Variants in VDR observed in about 807,000 individuals in gnomAD.
VDR encodes vitamin D3 receptor.
A neutral mutation model predicts 39.7 loss-of-function variants in VDR; 19 were observed. That is an observed-to-expected ratio of 0.48 (90% CI 0.33 to 0.70). VDR has a LOEUF of 0.70. Among genes scored for constraint, VDR ranks in the 30% least tolerant of loss-of-function variants. The probability of loss-of-function intolerance (pLI) is 0.02; values close to 1 mark genes in which losing one functional copy is unlikely to be tolerated. For missense variants in VDR, 442 were observed against 570.5 expected, an observed-to-expected ratio of 0.77 and a Z score of 2.29; for synonymous variants, 242 against 215.8, an observed-to-expected ratio of 1.12 and a Z score of -1.07.
chr12:47,857,946 G>T (rs1945528348), intron 4 of VDR, among the ~76,000 whole-genome samples: 1 of 152,292 alleles, frequency 6.6e-6, no homozygotes, highest in Admixed American at 6.5e-5. Context: ...GGGAGTCGGG[G>T]TTCTCAAGAA....
intron 3 of VDR, among the ~76,000 whole-genome samples, chr12:47,870,795 A>T (rs1945837687): frequency 2.0e-5 from 3 of 152,234 alleles, no homozygotes; most frequent in Admixed American, 6.5e-5. Context: ...GGAACTAGCG[A>T]GAGCTCCTGA....
At chr12:47,846,300 C>T in intron 9 of VDR, 35 bp downstream of exon 9, 1 of 1,591,808 alleles carries the variant, frequency 6.3e-7, no homozygotes, top group Non-Finnish European at 8.6e-7. Flanking sequence ...CCCCGCTCCC[C>T]AGGTCCCTGA....
chr12:47,882,964 G>A (rs1946187328), intron 1 of VDR, 190 bp from the exon 2 acceptor site: 3 of 534,806 alleles, frequency 5.6e-6, no homozygotes, highest in Admixed American at 3.7e-5. Context: ...GTGGCGGCTG[G>A]GCAGCAGCCA....
intron 7 of VDR, among the ~76,000 whole-genome samples, chr12:47,855,409 A>T (rs1469068207): frequency 6.6e-6 from 1 of 152,098 alleles, no homozygotes; most frequent in African/African-American, 2.4e-5. Context: ...AATCCCAGCT[A>T]CTTGGGAGGT....
chr12:47,841,640 T>C lies in VDR; in HGVS notation c.*3106A>G, dbSNP rs1340450510. 6.6e-6 allele frequency: 1 copy of C among 152,400 alleles called. No individual in the cohort carries two copies. Among genetic ancestry groups the C allele is most frequent in the African/African-American group, 2.4e-5 (1 of 41,472 alleles). 9.4% of individuals were successfully genotyped at this position (152,400 alleles called of 1,614,324 possible). ...CCATAAGCAAAGCTTTCTACATTGG[T>C]TGACTTGACAAACTTCTGGCAAACT... On this transcript the variant is annotated 3_prime_UTR_variant, in exon 10 of 10. Coordinates refer to ENST00000549336, the MANE Select transcript of VDR (RefSeq NM_000376.3).
At chr12:47,897,482 C>T (rs2137246707) in intron 1 of VDR, among the ~76,000 whole-genome samples, 1 of 152,282 alleles carries the variant, frequency 6.6e-6, no homozygotes, top group East Asian at 1.9e-4. Flanking sequence ...CTGACAGGCA[C>T]AGACTGGATA....
intron 1 of VDR, among the ~76,000 whole-genome samples, chr12:47,895,768 G>GA (rs1480811267): frequency 1.3e-5 from 2 of 151,894 alleles, no homozygotes; most frequent in South Asian, 2.1e-4. Context: ...TTACATTTTT[G>GA]AAAAAAAATC....
chr12:47,892,787 C>T (rs1946393998), intron 1 of VDR, among the ~76,000 whole-genome samples: 1 of 152,154 alleles, frequency 6.6e-6, no homozygotes, highest in Non-Finnish European at 1.5e-5. Context: ...AGGTAAGTGC[C>T]AGGTCTAGAG....
chr12:47,894,546 G>A (rs905195926), intron 1 of VDR, among the ~76,000 whole-genome samples: 1 of 152,204 alleles, frequency 6.6e-6, no homozygotes, highest in Admixed American at 6.5e-5. Flanking sequence ...TGGGTGAGAT[G>A]CCTCCTGCTT....
intron 4 of VDR, among the ~76,000 whole-genome samples, chr12:47,863,698 C>T (rs1295777295): frequency 6.6e-6 from 1 of 152,174 alleles, no homozygotes; most frequent in South Asian, 2.1e-4. Flanking sequence ...CAGGCCTGCA[C>T]CCTGTGATGG....
chr12:47,859,505 T>G (rs919718950), intron 4 of VDR, among the ~76,000 whole-genome samples: 1 of 152,154 alleles, frequency 6.6e-6, no homozygotes, highest in Non-Finnish European at 1.5e-5. Flanking sequence ...CCAGCTGGGT[T>G]TTCTCTCCCC....
At chr12:47,869,217 G>C (rs144243637) in intron 3 of VDR, among the ~76,000 whole-genome samples, 105 of 152,300 alleles carry the variant, frequency 6.9e-4, no homozygotes, top group African/African-American at 2.3e-3. Flanking sequence ...GCCCCACTTT[G>C]CCTGACAACA....
intron 1 of VDR, among the ~76,000 whole-genome samples, chr12:47,904,005 C>T (rs1279152945): frequency 1.3e-5 from 2 of 151,960 alleles, no homozygotes; most frequent in African/African-American, 2.4e-5. Context: ...AAAATGCCTG[C>T]CCAACTGCTT....
At chr12:47,848,555 C>CTTTTTTTTTTTTTTTTTTTTT (rs1162881183) in intron 7 of VDR, among the ~76,000 whole-genome samples, 1 of 58,116 alleles carries the variant, frequency 1.7e-5, no homozygotes, top group African/African-American at 7.8e-5. Context: ...TTTTCTACTC[C>CTTTTTTTTTTTTTTTTTTTTT]TTTTTTTTTT....
intron 3 of VDR, among the ~76,000 whole-genome samples, chr12:47,878,525 C>T (rs547017469): frequency 6.6e-6 from 1 of 152,326 alleles, no homozygotes; most frequent in East Asian, 1.9e-4. Context: ...ACAAGAGGTG[C>T]CATTTCCCTT....
At chr12:47,849,526 C>T (rs1302153248) in intron 7 of VDR, among the ~76,000 whole-genome samples, 2 of 152,230 alleles carry the variant, frequency 1.3e-5, no homozygotes, top group Non-Finnish European at 1.5e-5. Flanking sequence ...CAGAACCAGA[C>T]TTCTCCACTA....
intron 3 of VDR, among the ~76,000 whole-genome samples, chr12:47,875,433 C>A (rs1945980382): frequency 6.6e-6 from 1 of 152,226 alleles, no homozygotes; most frequent in African/African-American, 2.4e-5. Context: ...TGCAAGGATG[C>A]AGTACCCACC....
chr12:47,891,890 C>A (rs1476510027), intron 1 of VDR, among the ~76,000 whole-genome samples: 3 of 151,828 alleles, frequency 2.0e-5, no homozygotes, highest in African/African-American at 7.3e-5. Flanking sequence ...GGCAGCGGCA[C>A]CACCACCACC....
rs143474680 is a variant in VDR at position 47,845,020 on chromosome 12, A to T, written c.1025-15T>A. The stretch of plus-strand genomic sequence containing the variant: ...CCCAGGACGATCTGTGGGCACGGGG[A>T]TAGAGAAGAAGGCACAGGAGCTCTC... On this transcript the variant is annotated splice_polypyrimidine_tract_variant and intron_variant, in intron 9 of 9. Coordinates refer to ENST00000549336, the MANE Select transcript of VDR (RefSeq NM_000376.3). 5.7e-5 allele frequency: 91 copies of T among 1,609,610 alleles called. 1 individual carries two copies. The African/African-American group carries it at 1.1e-3, about 20-fold the overall frequency.
Sources: gnomAD v4.1 joint callset for allele counts (sites outside exome capture counted in the v4.1 genomes callset) on GRCh38, gnomAD v4.1.1 for gene constraint, MANE v1.5 for transcripts, NCBI Gene and HGNC (gene_info 2026-07-23, HGNC 2026-07-21) for gene names.